The following KLF15 variants were observed in gnomAD, a reference collection of about 807,000 sequenced individuals.
KLF15 encodes the protein KLF transcription factor 15, also known as Krueppel-like factor 15.
In KLF15, 4 loss-of-function variants were observed where a neutral mutation model predicts 24.6. The ratio of observed to expected loss-of-function variants is 0.16; its 90% CI spans 0.08 to 0.37. The LOEUF (loss-of-function observed/expected upper bound fraction) is 0.37. KLF15 is among the 10% of genes least tolerant of loss of function. The pLI, the probability that KLF15 is intolerant of heterozygous loss-of-function variation, is 1.00. For synonymous variants in KLF15, 246 were observed against 236.3 expected (o/e 1.04, Z -0.37); for missense variants, 496 against 560.6 (o/e 0.88, Z 1.16).
chr3:126,352,639 C>T lies in KLF15; in HGVS notation c.284G>A (p.Ser95Asn), dbSNP rs2082594620. Residue 95 changes from serine to asparagine, a missense_variant, in exon 2 of 3, where the codon AGC becomes AAC. Transcript: ENST00000296233. ...TLGSGGGSGSSIGASSGPVAW... is the reference protein window; with the variant it reads ...TLGSGGGSGSNIGASSGPVAW... ...CACGGGGCCACTGCTGGCCCCAATG[C>T]TACTGCCGCTGCCCCCGCCACTGCC... is the stretch of plus-strand genomic sequence containing the variant. 1.3e-6 allele frequency: 2 copies of T among 1,587,182 alleles called. No individual in the cohort carries two copies. Among genetic ancestry groups the T allele is most frequent in the Non-Finnish European group, 1.7e-6 (2 of 1,166,660 alleles).
At chr3:126,333,285 G>C in the KLF15 span, among the ~76,000 whole-genome samples, 1 of 104,620 alleles carries the variant, frequency 9.6e-6, no homozygotes, top group Non-Finnish European at 1.9e-5. Flanking sequence ...TTAAAGAAAA[G>C]AATTTTCAAC....
At chr3:126,292,246 G>A in the KLF15 span, among the ~76,000 whole-genome samples, 2 of 152,122 alleles carry the variant, frequency 1.3e-5, no homozygotes, top group African/African-American at 4.8e-5. Flanking sequence ...ATTAACAGGT[G>A]GGAAGAGTTC....
chr3:126,344,233 A>ATT (rs373132540), intron 2 of KLF15, among the ~76,000 whole-genome samples: 1 of 150,466 alleles, frequency 6.6e-6, no homozygotes, highest in East Asian at 2.0e-4. Context: ...TAGTTTTTGT[A>ATT]TTTTTTTTTA....
intron 2 of KLF15, among the ~76,000 whole-genome samples, chr3:126,347,190 A>G (rs961691838): frequency 6.6e-6 from 1 of 152,134 alleles, no homozygotes; most frequent in Non-Finnish European, 1.5e-5. Context: ...CTTCTGTATG[A>G]AGGCGTCCCT....
chr3:126,341,933 CCT>C (rs1260447926), downstream of KLF15, among the ~76,000 whole-genome samples: 1 of 152,204 alleles, frequency 6.6e-6, no homozygotes, highest in East Asian at 1.9e-4. Flanking sequence ...CCCTGGTCAG[CCT>C]CCATTTCCTT....
chr3:126,355,758 C>T (rs2082625568), intron 1 of KLF15, among the ~76,000 whole-genome samples: 1 of 152,138 alleles, frequency 6.6e-6, no homozygotes, highest in Non-Finnish European at 1.5e-5. Flanking sequence ...CGGGGGAGGT[C>T]GGAGAGTAGG....
chr3:126,298,083 C>G, the KLF15 span, among the ~76,000 whole-genome samples: 1 of 152,000 alleles, frequency 6.6e-6, no homozygotes, highest in African/African-American at 2.4e-5. Flanking sequence ...AGAAATGCTC[C>G]CTTTTCACCA....
At position 126,343,534 on chromosome 3, in the gene KLF15, G is replaced by A; in HGVS notation, c.*193C>T. 1.8e-6 allele frequency: 1 copy of A among 559,872 alleles called. No homozygotes were observed. 34.7% of individuals were successfully genotyped at this position (559,872 alleles called of 1,614,324 possible). ...CGCCTGGGGCCCAGCCCCCAGGGAC[G>A]CGGGTTCGAGGCTCTAAGTACTCCC... is the stretch of plus-strand genomic sequence containing the variant. On this transcript the variant is annotated 3_prime_UTR_variant, in exon 3 of 3. Transcript: ENST00000296233.
chr3:126,316,718 C>T, the KLF15 span, among the ~76,000 whole-genome samples: 8 of 130,522 alleles, frequency 6.1e-5, no homozygotes, highest in South Asian at 2.6e-4. Context: ...AGGGAATGCA[C>T]GGGCCGGAGT....
the KLF15 span, among the ~76,000 whole-genome samples, chr3:126,310,403 A>C: frequency 6.6e-6 from 1 of 152,212 alleles, no homozygotes; most frequent in Non-Finnish European, 1.5e-5. Flanking sequence ...TGACCCCAGC[A>C]TTGGATAGCA....
At chr3:126,344,056 A>T (rs1253815358) in intron 2 of KLF15, among the ~76,000 whole-genome samples, 161 bp from the exon 3 acceptor site, 1 of 152,126 alleles carries the variant, frequency 6.6e-6, no homozygotes, top group African/African-American at 2.4e-5. Context: ...TCCCCCATCT[A>T]CGTCGGTAAG....
chr3:126,305,654 T>A, the KLF15 span, among the ~76,000 whole-genome samples: 1 of 152,148 alleles, frequency 6.6e-6, no homozygotes. Flanking sequence ...GGGAAAGGAA[T>A]GAGCTGCTTT....
chr3:126,306,944 C>T, the KLF15 span, among the ~76,000 whole-genome samples: 1 of 152,206 alleles, frequency 6.6e-6, no homozygotes, highest in African/African-American at 2.4e-5. Context: ...TTGCTTCAGG[C>T]AAGTTTCTCC....
At chr3:126,293,515 G>GCAC in the KLF15 span, among the ~76,000 whole-genome samples, 7 of 152,152 alleles carry the variant, frequency 4.6e-5, no homozygotes, top group African/African-American at 1.7e-4. Flanking sequence ...GCCTGTGTAA[G>GCAC]CACACACCTG....
the KLF15 span, among the ~76,000 whole-genome samples, chr3:126,331,808 A>C: frequency 6.6e-6 from 1 of 152,236 alleles, no homozygotes; most frequent in African/African-American, 2.4e-5. Flanking sequence ...TCACTTGGGA[A>C]GCGCAAGGGG....
chr3:126,320,277 A>G, the KLF15 span, among the ~76,000 whole-genome samples: 1 of 152,282 alleles, frequency 6.6e-6, no homozygotes, highest in East Asian at 1.9e-4. Flanking sequence ...GAGGCTGAAC[A>G]TGTGGATTTG....
chr3:126,310,585 C>T, the KLF15 span, among the ~76,000 whole-genome samples: 1 of 152,104 alleles, frequency 6.6e-6, no homozygotes, highest in Admixed American at 6.5e-5. Flanking sequence ...GCTCTGGAGG[C>T]TGGAAGTCCA....
the KLF15 span, among the ~76,000 whole-genome samples, chr3:126,316,499 AC>A: frequency 4.5e-5 from 1 of 22,082 alleles, no homozygotes; most frequent in African/African-American, 2.6e-4. Flanking sequence ...CCGGAGTGGG[AC>A]TGGGAGTGCA....
chr3:126,350,533 T>G (rs906651849), intron 2 of KLF15, among the ~76,000 whole-genome samples: 1 of 152,228 alleles, frequency 6.6e-6, no homozygotes, highest in African/African-American at 2.4e-5. Context: ...CACAGCTCCC[T>G]GACCACAGCT....
Sources: allele counts gnomAD v4.1 joint callset (sites outside exome capture counted in the v4.1 genomes callset), GRCh38; gene constraint gnomAD v4.1.1; transcripts MANE v1.5; gene names NCBI Gene and HGNC (gene_info 2026-07-23, HGNC 2026-07-21).